Variants in GTF3C1 observed in about 807,000 individuals in gnomAD.
GTF3C1 encodes general transcription factor IIIC subunit 1.
Under a neutral mutation model 226.7 loss-of-function variants are expected in GTF3C1, and 57 were observed. That is an observed-to-expected ratio of 0.25 (90% CI 0.20 to 0.31). GTF3C1 has a LOEUF of 0.31. Ranked by LOEUF, GTF3C1 falls within the 10% of genes least tolerant of loss-of-function variation. The pLI is 1.00. For missense variants in GTF3C1, 2,217 were observed against 2,776.1 expected, an observed-to-expected ratio of 0.80 and a Z score of 4.53; for synonymous variants, 1,090 against 1,084.8, an observed-to-expected ratio of 1.00 and a Z score of -0.09.
chr16:27,470,410 A>G lies in GTF3C1; in HGVS notation c.4527-15T>C. ...ACGTAAAAATCCTACAGACAAAAAGAAAGGAAGGGCCTGACTGAGGGCCAG... is the reference window on the plus strand; with the variant it reads ...ACGTAAAAATCCTACAGACAAAAAGGAAGGAAGGGCCTGACTGAGGGCCAG... On this transcript the variant is annotated splice_polypyrimidine_tract_variant and intron_variant, in intron 30 of 36. Transcript: ENST00000356183. This position sits in a 1 kb window ranked among gnomAD's most constrained non-coding sequence, Gnocchi z 4.9. The G allele has an allele frequency of 6.2e-7, 1 of 1,609,222 alleles. No individual in the cohort carries two copies. Among genetic ancestry groups the G allele is most frequent in the Non-Finnish European group, 8.5e-7 (1 of 1,176,954 alleles).
rs1424029036 is a variant in GTF3C1, at chr16:27,538,969, T to TAC, written c.432-614_432-613insGT. On this transcript the variant is annotated intron_variant, in intron 2 of 36. Transcript: ENST00000356183. ...TTAGAAATGACTATATATACACACA[T>TAC]ATACACACACACACACACACACACA... Among the ~76,000 whole-genome samples the TAC allele has an allele frequency of 1.2e-3, 153 of 128,872 alleles. 1 individual carries two copies. Among genetic ancestry groups the TAC allele is most frequent in the Admixed American group, 2.2e-3 (28 of 12,776 alleles). The allele number at this position is 128,872 out of a possible 152,430, so 84.5% of individuals were successfully genotyped here. A position where few individuals can be genotyped will look rare whatever the true frequency, so the allele number is the denominator to read the frequency against.
chr16:27,545,367 G>C lies in GTF3C1; in HGVS notation c.378C>G (p.Asp126Glu). Residue 126 changes from aspartate (D) to glutamate (E), a missense_variant, in exon 2 of 37, where the codon GAC becomes GAG. Around this residue, in one of 12 missense-constraint regions of GTF3C1, gnomAD observed 192 missense variants for 251.8 expected, o/e 0.76. Transcript: ENST00000356183. ...YFKERKNITN[D>E]IRTKSLQPRC... ...GAGGCTGCAAGGACTTGGTTCTGATGTCATTGGTAATGTTTTTCCTCTCCT... is the reference window on the plus strand; with the variant it reads ...GAGGCTGCAAGGACTTGGTTCTGATCTCATTGGTAATGTTTTTCCTCTCCT... 1 of 1,613,936 alleles carries C rather than the reference G, an allele frequency of 6.2e-7. No individual in the cohort carries two copies. Among genetic ancestry groups the C allele is most frequent in the South Asian group, 1.1e-5 (1 of 91,086 alleles).
intron 6 of GTF3C1, among the ~76,000 whole-genome samples, chr16:27,520,585 G>A (rs979664580): frequency 2.0e-5 from 3 of 152,170 alleles, no homozygotes; most frequent in Non-Finnish European, 4.4e-5. Flanking sequence ...AAGGAAACAA[G>A]GGTACTGACA....
Position 27,545,493 on chromosome 16 carries a change from A to G in GTF3C1, c.252T>C (p.Ile84=). Residue 84 remains isoleucine, a synonymous_variant, in exon 2 of 37, where the codon ATT becomes ATC. Transcript: ENST00000356183. ...RYEEIDLETG[I]LESRRDPVAL... ...CCACCGGGTCCCTCCTAGACTCCAA[A>G]ATTCCAGTTTCCAAATCAATTTCTT... 1 of 1,610,200 alleles carries G rather than the reference A, an allele frequency of 6.2e-7. No individual in the cohort carries two copies. The highest frequency in any genetic ancestry group is 8.5e-7 in the Non-Finnish European group (1 of 1,176,626).
Position 27,464,465 on chromosome 16 carries a change from G to A in GTF3C1, c.5727C>T (p.Ala1909=). 1 of 1,584,824 alleles carries A rather than the reference G, an allele frequency of 6.3e-7. No homozygotes were observed. The highest frequency in any genetic ancestry group is 8.6e-7 in the Non-Finnish European group (1 of 1,167,440). The change falls in exon 34 of 37, where the codon GCC becomes GCT. Residue 1909 remains alanine, a synonymous_variant. Transcript: ENST00000356183. ...CTTCAAGAGCTGGGGGTGGAGATGG[G>A]GCCTGGGCTTCTGCCCCATCTTCAG... ...PGAEDGAEAQ[A]PSPPPALEDT...
Position 27,464,756 on chromosome 16 carries a change from C to G in GTF3C1, c.5436G>C (p.Trp1812Cys). The G allele has an allele frequency of 6.3e-7, 1 of 1,578,646 alleles. No individual in the cohort carries two copies. The highest frequency in any genetic ancestry group is 8.5e-7 in the Non-Finnish European group (1 of 1,173,170). Residue 1812 changes from tryptophan to cysteine, a missense_variant, in exon 34 of 37, where the codon TGG (tryptophan) becomes TGC (cysteine). By Grantham distance (215) the Trp-to-Cys change is radical. Coordinates refer to ENST00000356183, the MANE Select transcript of GTF3C1 (RefSeq NM_001520.4). ...CTTTCAGCCGCACGGAGTGCAGGAG[C>G]CAAGGCCAGGCAGAGCCCATGGCTA... ...RLVAMGSAWP[W>C]LLHSVRLKDR...
intron 6 of GTF3C1, 152 bp from the exon 7 acceptor site, chr16:27,512,053 G>A (rs2088581768): frequency 3.8e-6 from 3 of 797,670 alleles, no homozygotes; most frequent in African/African-American, 3.5e-5. Flanking sequence ...TTTAAAAATG[G>A]CTCATCTTGG....
Position 27,507,203 on chromosome 16 carries a change from AC to A in GTF3C1, c.1243-48del. On this transcript the variant is annotated intron_variant, in intron 8 of 36. Transcript: ENST00000356183. This position sits in a 1 kb window ranked among gnomAD's most constrained non-coding sequence, Gnocchi z 4.9. ...TATCCCACTGCAAAGAGGGCGTCAT[AC>A]CCACAGGGGTTCAGGTGGTCTGTGG... is the stretch of plus-strand genomic sequence containing the variant. 7.2e-7 allele frequency: 1 copy of A among 1,393,796 alleles called. No individual in the cohort carries two copies. The highest frequency in any genetic ancestry group is 9.9e-7 in the Non-Finnish European group (1 of 1,009,704). The allele number at this position is 1,393,796 out of a possible 1,614,324, so 86.3% of individuals were successfully genotyped here.
chr16:27,494,905 T>C lies in GTF3C1; in HGVS notation c.2636A>G (p.Tyr879Cys), dbSNP rs748532438. 6.2e-7 allele frequency: 1 copy of C among 1,612,964 alleles called. No homozygotes were observed. The highest frequency in any genetic ancestry group is 8.5e-7 in the Non-Finnish European group (1 of 1,179,352). The change falls in exon 16 of 37, where the codon TAT (tyrosine) becomes TGT (cysteine). Residue 879 changes from tyrosine to cysteine, a missense_variant. Coordinates refer to ENST00000356183, the MANE Select transcript of GTF3C1 (RefSeq NM_001520.4). The part of the protein sequence containing the change: ...AEVELATETV[Y>C]VDDASWMRYI... Reference sequence around the variant, plus strand: ...GCGCATCCACGAGGCATCGTCGACATACACTAGGAAAAAAACGCACGGTTA... The same window carrying C: ...GCGCATCCACGAGGCATCGTCGACACACACTAGGAAAAAAACGCACGGTTA...
Position 27,525,480 on chromosome 16 carries a change from T to C in GTF3C1, c.973+3118A>G, listed in dbSNP as rs566379025. 4.6e-5 allele frequency among the ~76,000 whole-genome samples: 7 copies of C among 152,372 alleles called. No individual in the cohort carries two copies. In the South Asian group the frequency reaches 1.2e-3, roughly 27 times the overall value. ...CTCCCAGCTGTTCCTTCTTTGTTTA[T>C]ATACCTGTGGTATTGTAATTATCTG... On this transcript the variant is annotated intron_variant, in intron 6 of 36. Transcript: ENST00000356183.
chr16:27,508,742 A>G, intron 7 of GTF3C1, 87 bp from the exon 8 acceptor site: 1 of 884,404 alleles, frequency 1.1e-6, no homozygotes, highest in East Asian at 2.5e-5. Flanking sequence ...TTCAGCAGAC[A>G]TTTTGATGCT....
At chr16:27,537,450 C>T (rs956815818) in intron 4 of GTF3C1, among the ~76,000 whole-genome samples, 5 of 152,172 alleles carry the variant, frequency 3.3e-5, no homozygotes, top group Non-Finnish European at 7.3e-5. Context: ...CACTCTGTCA[C>T]CCAGGCTGGA....
chr16:27,549,793 G>A lies in GTF3C1; in HGVS notation c.98C>T (p.Pro33Leu). The change falls in exon 1 of 37, where the codon CCG becomes CTG. Residue 33 changes from proline (P) to leucine (L), a missense_variant. By Grantham distance (98) the Pro-to-Leu change is moderately conservative. Around this residue, in one of 12 missense-constraint regions of GTF3C1, gnomAD observed 192 missense variants for 251.8 expected, o/e 0.76. Coordinates refer to ENST00000356183, the MANE Select transcript of GTF3C1 (RefSeq NM_001520.4). ...ALWSRLETRV[P>L]PFPLPLEPCT... is the part of the protein sequence containing the mutation. ...GGGTTCCAAAGGCAGCGGGAAGGGC[G>A]GCACTCGCGTCTCCAGCCGGCTCCA... 1.2e-6 allele frequency: 2 copies of A among 1,612,872 alleles called. No individual in the cohort carries two copies. Among genetic ancestry groups the A allele is most frequent in the Non-Finnish European group, 1.7e-6 (2 of 1,179,774 alleles).
chr16:27,495,631 T>C, intron 14 of GTF3C1, 139 bp from the exon 15 acceptor site: 1 of 749,716 alleles, frequency 1.3e-6, no homozygotes, highest in South Asian at 1.9e-5. Flanking sequence ...TAGAGCTTAC[T>C]TTCTAATGGG....
chr16:27,474,911 GCA>G (rs1281444262), intron 29 of GTF3C1, among the ~76,000 whole-genome samples: 3 of 152,240 alleles, frequency 2.0e-5, no homozygotes, highest in Non-Finnish European at 4.4e-5. Flanking sequence ...CCTGCAGGAG[GCA>G]CAGAGAACCT....
chr16:27,465,113 C>G, intron 33 of GTF3C1, 147 bp downstream of exon 33: 1 of 744,776 alleles, frequency 1.3e-6, no homozygotes, highest in Admixed American at 2.5e-5. Flanking sequence ...TGAAATGCCC[C>G]AGTTTTCAAG....
Position 27,471,599 on chromosome 16 carries a change from C to T in GTF3C1, c.4526+149G>A, listed in dbSNP as rs1245176958. The T allele has an allele frequency of 1.5e-6, 1 of 649,416 alleles. No homozygotes were observed. The highest frequency in any genetic ancestry group is 2.7e-6 in the Non-Finnish European group (1 of 365,732). 40.2% of individuals were successfully genotyped at this position (649,416 alleles called of 1,614,324 possible). A position where few individuals can be genotyped will look rare whatever the true frequency, so the allele number is the denominator to read the frequency against. The stretch of plus-strand genomic sequence containing the variant: ...ATACCACGAAGGAGGTAAGGGGCTG[C>T]AGGAAACCCAAGCCGGCATCTTGCA... On this transcript the variant is annotated intron_variant, in intron 30 of 36. Transcript: ENST00000356183. This position sits in a 1 kb window ranked among gnomAD's most constrained non-coding sequence, Gnocchi z 5.0.
chr16:27,482,968 G>A, intron 26 of GTF3C1, 76 bp downstream of exon 26: 1 of 1,233,396 alleles, frequency 8.1e-7, no homozygotes, highest in East Asian at 2.3e-5. Flanking sequence ...GGCACTGTGG[G>A]ATGAGAGGAG....
chr16:27,511,746 T>C lies in GTF3C1; in HGVS notation c.1126+3A>G. 6.2e-7 allele frequency: 1 copy of C among 1,614,022 alleles called. No homozygotes were observed. On this transcript the variant is annotated splice_donor_region_variant and intron_variant, in intron 7 of 36. Transcript: ENST00000356183. ...TCCAAGCTGGCATGGGAACAAGACTTACTGAGGTCGTAGGTCTGTGTGAGC... is the reference window on the plus strand; with the variant it reads ...TCCAAGCTGGCATGGGAACAAGACTCACTGAGGTCGTAGGTCTGTGTGAGC...
Sources: allele counts gnomAD v4.1 joint callset (sites outside exome capture counted in the v4.1 genomes callset), GRCh38; gene constraint gnomAD v4.1.1; regional missense constraint gnomAD v4.1.1; non-coding constraint Gnocchi (gnomAD v3.1); transcripts MANE v1.5; gene names NCBI Gene and HGNC (gene_info 2026-07-23, HGNC 2026-07-21).